The following PPP1R9A variants were observed in gnomAD, a reference collection of about 807,000 sequenced individuals.
PPP1R9A encodes the protein neurabin-1.
Under a neutral mutation model 141.9 loss-of-function variants are expected in PPP1R9A, and 59 were observed. The ratio of observed to expected loss-of-function variants is 0.42; its 90% CI spans 0.34 to 0.52. The LOEUF is 0.52. Among genes scored for constraint, PPP1R9A ranks in the 20% least tolerant of loss-of-function variants. The pLI is 0.10. For synonymous variants in PPP1R9A, 500 were observed against 569.7 expected (o/e 0.88, Z 1.74); for missense variants, 1,444 against 1,611.9 (o/e 0.90, Z 1.78).
At chr7:94,998,012 C>G (rs1293095837) in intron 2 of PPP1R9A, among the ~76,000 whole-genome samples, 1 of 152,092 alleles carries the variant, frequency 6.6e-6, no homozygotes. Flanking sequence ...TAGTAGCTTA[C>G]AGTAAGAAGG....
chr7:95,184,156 G>A (rs1563375892), intron 5 of PPP1R9A, among the ~76,000 whole-genome samples: 1 of 152,114 alleles, frequency 6.6e-6, no homozygotes, highest in Non-Finnish European at 1.5e-5. Context: ...ACCACTACAT[G>A]CTCATCGAAA....
At chr7:95,273,339 C>T (rs1294992042) in intron 14 of PPP1R9A, among the ~76,000 whole-genome samples, 2 of 152,188 alleles carry the variant, frequency 1.3e-5, no homozygotes, top group East Asian at 3.9e-4. Flanking sequence ...CCATGTCCTC[C>T]CCTCCTCTGT....
At chr7:95,046,576 G>A (rs1043580601) in intron 2 of PPP1R9A, among the ~76,000 whole-genome samples, 1 of 152,064 alleles carries the variant, frequency 6.6e-6, no homozygotes, top group Non-Finnish European at 1.5e-5. Context: ...TTCTTAATAT[G>A]CACATTTTCT....
intron 8 of PPP1R9A, among the ~76,000 whole-genome samples, chr7:95,245,506 C>A (rs1262518582): frequency 6.6e-6 from 1 of 152,090 alleles, no homozygotes; most frequent in East Asian, 1.9e-4. Flanking sequence ...GTTGGAGCGT[C>A]CACTGGGCAT....
intron 3 of PPP1R9A, among the ~76,000 whole-genome samples, chr7:95,113,927 A>G (rs1821018664): frequency 6.6e-6 from 1 of 152,258 alleles, no homozygotes; most frequent in East Asian, 1.9e-4. Flanking sequence ...ATTACACCAA[A>G]CATGACTGAT....
intron 8 of PPP1R9A, among the ~76,000 whole-genome samples, chr7:95,238,876 C>T (rs1377830625): frequency 2.0e-5 from 3 of 152,104 alleles, no homozygotes; most frequent in East Asian, 3.9e-4. Context: ...GGCCACATCT[C>T]GTTTCAACGT....
chr7:95,239,314 T>C (rs1191951744), intron 8 of PPP1R9A, among the ~76,000 whole-genome samples: 3 of 152,198 alleles, frequency 2.0e-5, no homozygotes, highest in African/African-American at 7.2e-5. Flanking sequence ...GTTAATATTC[T>C]TACTGCTACT....
At chr7:95,240,390 G>A (rs996561915) in intron 8 of PPP1R9A, among the ~76,000 whole-genome samples, 1 of 151,128 alleles carries the variant, frequency 6.6e-6, no homozygotes. Context: ...GTTCATTAAT[G>A]TTTCCTTCAG....
Position 95,196,070 on chromosome 7 carries a change from CGTGTGT to C in PPP1R9A, c.1755-2262_1755-2257del, listed in dbSNP as rs61241471. On this transcript the variant is annotated intron_variant, in intron 5 of 19. Coordinates refer to ENST00000433360, the MANE Select transcript of PPP1R9A (RefSeq NM_001166160.2). ...GTTTTAAAAATAAAATACACACATA[CGTGTGT>C]GTGTGTGTGTGTGTGTATGTGTATT... 5.4e-5 allele frequency among the ~76,000 whole-genome samples: 8 copies of C among 149,090 alleles called. No individual in the cohort carries two copies. The East Asian group carries it at 1.0e-3, about 19-fold the overall frequency.
At chr7:95,074,194 T>G (rs544133411) in intron 2 of PPP1R9A, among the ~76,000 whole-genome samples, 1 of 152,190 alleles carries the variant, frequency 6.6e-6, no homozygotes. Flanking sequence ...TACTTAGTTA[T>G]TGGCAAAATA....
intron 3 of PPP1R9A, among the ~76,000 whole-genome samples, chr7:95,112,111 A>C (rs567931624): frequency 1.3e-5 from 2 of 152,294 alleles, no homozygotes; most frequent in South Asian, 4.1e-4. Context: ...AACCTACCCA[A>C]GGATACTCAA....
chr7:95,072,791 AT>A (rs1202505269), intron 2 of PPP1R9A, among the ~76,000 whole-genome samples: 1 of 100,644 alleles, frequency 9.9e-6, no homozygotes, highest in Non-Finnish European at 1.8e-5. Flanking sequence ...ATATTTATAT[AT>A]TATATTTATA....
intron 8 of PPP1R9A, among the ~76,000 whole-genome samples, chr7:95,240,042 C>A (rs1003142933): frequency 1.3e-5 from 2 of 151,940 alleles, no homozygotes; most frequent in Non-Finnish European, 2.9e-5. Flanking sequence ...TTTCTTCATT[C>A]TTATATTCTG....
intron 2 of PPP1R9A, among the ~76,000 whole-genome samples, chr7:94,976,531 G>T (rs180721506): frequency 6.6e-6 from 1 of 151,852 alleles, no homozygotes; most frequent in East Asian, 1.9e-4. Flanking sequence ...TAGTGGAGAC[G>T]GGGTTTCAGT....
intron 2 of PPP1R9A, among the ~76,000 whole-genome samples, chr7:94,963,594 C>T (rs901936242): frequency 3.3e-5 from 5 of 152,106 alleles, no homozygotes; most frequent in Non-Finnish European, 5.9e-5. Flanking sequence ...TGTTTTCATC[C>T]ATGTTGTAGT....
At chr7:95,267,409 G>A (rs967209353) in intron 12 of PPP1R9A, among the ~76,000 whole-genome samples, 1 of 152,110 alleles carries the variant, frequency 6.6e-6, no homozygotes, top group Non-Finnish European at 1.5e-5. Flanking sequence ...TAGGATTAAT[G>A]ATCAAACTCC....
intron 4 of PPP1R9A, among the ~76,000 whole-genome samples, chr7:95,160,686 C>T (rs1442235669): frequency 6.6e-6 from 1 of 152,012 alleles, no homozygotes; most frequent in Admixed American, 6.6e-5. Flanking sequence ...CTTCCTTTCC[C>T]CTCTAGTAGT....
intron 2 of PPP1R9A, among the ~76,000 whole-genome samples, chr7:94,995,173 T>A (rs1006056651): frequency 1.3e-5 from 2 of 152,122 alleles, no homozygotes; most frequent in East Asian, 1.9e-4. Context: ...ATCTTCTTGC[T>A]GTCATTGTTT....
chr7:95,079,661 C>T (rs564607247), intron 2 of PPP1R9A, among the ~76,000 whole-genome samples: 5 of 152,100 alleles, frequency 3.3e-5, no homozygotes, highest in African/African-American at 4.8e-5. Flanking sequence ...GACCAATATC[C>T]TTGATGAACA....
Sources: gnomAD v4.1 joint callset for allele counts (sites outside exome capture counted in the v4.1 genomes callset) on GRCh38, gnomAD v4.1.1 for gene constraint, MANE v1.5 for transcripts, NCBI Gene and HGNC (gene_info 2026-07-23, HGNC 2026-07-21) for gene names.